Variants in THAP6 observed in about 807,000 individuals in gnomAD.
THAP6 encodes the protein THAP domain containing 6.
Under a neutral mutation model 20.0 loss-of-function variants are expected in THAP6, and 13 were observed. The observed-to-expected ratio is 0.65, with a 90% CI of 0.42 to 1.03. THAP6 has a LOEUF of 1.03. Ranked by LOEUF, THAP6 falls within the 50% of genes least tolerant of loss-of-function variation. The pLI is 0.00. For missense variants in THAP6, 262 were observed against 261.6 expected, an observed-to-expected ratio of 1.00 and a Z score of -0.01; for synonymous variants, 93 against 92.2, an observed-to-expected ratio of 1.01 and a Z score of -0.05.
At chr4:75,541,447 CGT>C (rs138759889) in intron 2 of THAP6, among the ~76,000 whole-genome samples, 2,016 of 150,312 alleles carry the variant, frequency 0.013, 43 homozygotes, top group African/African-American at 0.046. Context: ...TAAGTGTGTA[CGT>C]GTGTGTGTGT....
At chr4:75,536,682 A>AT (rs958986787) in intron 2 of THAP6, among the ~76,000 whole-genome samples, 119 of 151,982 alleles carry the variant, frequency 7.8e-4, no homozygotes, top group African/African-American at 2.6e-3. Context: ...TAATTTTTGT[A>AT]TTTTTTGTAG....
intron 3 of THAP6, chr4:75,544,215 CCCT>C (rs1417850622): frequency 6.6e-6 from 1 of 152,210 alleles, no homozygotes; most frequent in Non-Finnish European, 1.5e-5. Flanking sequence ...TCACTCTCTC[CCCT>C]CCTCTGATTA....
Position 75,529,970 on chromosome 4 carries a change from T to C in THAP6, c.*2756T>C, listed in dbSNP as rs1304907537. ...AAGATAAAATTATTACAGAAATAATTGAGAGAGAGAAAATCTATTATAATT... is the reference window on the plus strand; with the variant it reads ...AAGATAAAATTATTACAGAAATAATCGAGAGAGAGAAAATCTATTATAATT... On this transcript the variant is annotated 3_prime_UTR_variant, in exon 5 of 5. Transcript: ENST00000311638. 1.1e-6 allele frequency: 1 copy of C among 877,140 alleles called. No individual in the cohort carries two copies. Among genetic ancestry groups the C allele is most frequent in the Non-Finnish European group, 1.4e-6 (1 of 733,104 alleles). The allele number at this position is 877,140 out of a possible 1,614,324, so 54.3% of individuals were successfully genotyped here.
chr4:75,529,654 A>C lies in THAP6; in HGVS notation c.*2440A>C. ...GGAAAGAACTGGCCTGTGTAAAGCA[A>C]AACCCAAGTCATCCCCCTCCAGAAA... On this transcript the variant is annotated 3_prime_UTR_variant, in exon 5 of 5. Coordinates refer to ENST00000311638, the MANE Select transcript of THAP6 (RefSeq NM_144721.6). 1 of 985,414 alleles carries C rather than the reference A, an allele frequency of 1.0e-6. No homozygotes were observed. The allele number at this position is 985,414 out of a possible 1,614,324, so 61.0% of individuals were successfully genotyped here.
chr4:75,527,409 T>C lies in THAP6; in HGVS notation c.*195T>C, dbSNP rs17000606. ...TTGTGGTAATTATGTATTTGTGTCT[T>C]GTGACAATTATGTTTTATAGACCTA... On this transcript the variant is annotated 3_prime_UTR_variant, in exon 5 of 5. Transcript: ENST00000311638. 3.2e-4 allele frequency: 448 copies of C among 1,389,170 alleles called. No homozygotes were observed. In the African/African-American group the frequency reaches 6.1e-3, roughly 19 times the overall value. The allele number at this position is 1,389,170 out of a possible 1,614,324, so 86.1% of individuals were successfully genotyped here. A position where few individuals can be genotyped will look rare whatever the true frequency, so the allele number is the denominator to read the frequency against.
chr4:75,537,257 A>G (rs935411146), intron 2 of THAP6, among the ~76,000 whole-genome samples: 3 of 152,192 alleles, frequency 2.0e-5, no homozygotes, highest in African/African-American at 7.2e-5. Flanking sequence ...CCTAATCCCT[A>G]GAACATGTGA....
chr4:75,530,169 C>A, downstream of THAP6: 1 of 684,710 alleles, frequency 1.5e-6, no homozygotes, highest in Non-Finnish European at 1.8e-6. Flanking sequence ...ACCCACGTAG[C>A]AGGCCAGCTT....
In THAP6 at chr4:75,527,784, A is replaced by C; in HGVS notation, c.*570A>C. ...ATAGTGAAGATCTGTGGGCTTTTAA[A>C]ATTGTTCACAGCCAATTTAAGAAGA... On this transcript the variant is annotated 3_prime_UTR_variant, in exon 5 of 5. Coordinates refer to ENST00000311638, the MANE Select transcript of THAP6 (RefSeq NM_144721.6). 1 of 986,052 alleles carries C rather than the reference A, an allele frequency of 1.0e-6. No individual in the cohort carries two copies. Among genetic ancestry groups the C allele is most frequent in the Non-Finnish European group, 1.2e-6 (1 of 830,446 alleles). 61.1% of individuals were successfully genotyped at this position (986,052 alleles called of 1,614,324 possible).
downstream of THAP6, among the ~76,000 whole-genome samples, chr4:75,532,192 A>G (rs757697728): frequency 7.9e-5 from 12 of 152,216 alleles, no homozygotes; most frequent in Non-Finnish European, 1.8e-4. Context: ...TACAGGCATT[A>G]GGTAAATACA....
Position 75,514,481 on chromosome 4 carries a change from T to G in THAP6, c.-60T>G, listed in dbSNP as rs2148794045. ...GAGGCGGAAGCGAAGGCAGACGCAG[T>G]CTCCGTCGTTGACGTTAGTCGCAGT... On this transcript the variant is annotated 5_prime_UTR_variant, in exon 1 of 5. Transcript: ENST00000311638. 3.6e-6 allele frequency: 2 copies of G among 555,386 alleles called. No individual in the cohort carries two copies. The highest frequency in any genetic ancestry group is 5.1e-4 in the Middle Eastern group (1 of 1,974). The allele number at this position is 555,386 out of a possible 1,614,324, so 34.4% of individuals were successfully genotyped here. A position where few individuals can be genotyped will look rare whatever the true frequency, so the allele number is the denominator to read the frequency against.
chr4:75,542,587 A>C, intron 3 of THAP6: 2 of 605,474 alleles, frequency 3.3e-6, no homozygotes, highest in South Asian at 2.0e-5. Context: ...ATTTTACAGA[A>C]GAGGAAATTA....
intron 1 of THAP6, 63 bp downstream of exon 1, chr4:75,514,583 T>A: frequency 3.4e-6 from 1 of 295,504 alleles, no homozygotes; most frequent in Non-Finnish European, 6.3e-6. Context: ...CAGGGCGTAG[T>A]TCGGCGCGAG....
intron 3 of THAP6, 54 bp from the exon 4 acceptor site, chr4:75,521,682 T>G (rs1319757970): frequency 6.7e-7 from 1 of 1,498,256 alleles, no homozygotes; most frequent in Non-Finnish European, 9.0e-7. Context: ...AATAAAAATT[T>G]AAGAAAGAAC....
intron 2 of THAP6, among the ~76,000 whole-genome samples, chr4:75,539,129 A>G (rs1726941137): frequency 6.6e-6 from 1 of 152,254 alleles, no homozygotes; most frequent in South Asian, 2.1e-4. Flanking sequence ...CAAGGATACC[A>G]GGGAGCGCAG....
intron 4 of THAP6, among the ~76,000 whole-genome samples, chr4:75,523,817 AAAAAG>A (rs1358759855): frequency 5.3e-5 from 8 of 150,106 alleles, no homozygotes; most frequent in Non-Finnish European, 1.0e-4. Context: ...AAAAAAAAAA[AAAAAG>A]AAAAGAAATC....
At chr4:75,516,678 G>A (rs931554016) in intron 2 of THAP6, 94 bp from the exon 3 acceptor site, 31 of 1,000,298 alleles carry the variant, frequency 3.1e-5, no homozygotes, top group East Asian at 1.1e-4. Context: ...ACTAGTTAAC[G>A]AATCAATTTA....
rs751786891 is a variant in THAP6, at chr4:75,527,016, T to C, written c.471T>C (p.His157=). 1.2e-6 allele frequency: 2 copies of C among 1,614,124 alleles called. No individual in the cohort carries two copies. The highest frequency in any genetic ancestry group is 1.7e-5 in the Admixed American group (1 of 60,000). Residue 157 remains histidine, a synonymous_variant, in exon 5 of 5, where the codon CAT becomes CAC. Transcript: ENST00000311638. ...SPKKLKHKLD[H]VIGELEDTKE... ...AGAAACTTAAGCATAAATTAGATCA[T>C]GTGATCGGCGAGCTAGAGGATACAA... is the stretch of plus-strand genomic sequence containing the variant.
chr4:75,542,888 C>T (rs1274752589), intron 3 of THAP6: 2 of 164,892 alleles, frequency 1.2e-5, no homozygotes, highest in African/African-American at 4.8e-5. Context: ...AAAATGTGAA[C>T]TCATCTTGTG....
At chr4:75,515,256 C>T (rs1304308767) in intron 1 of THAP6, among the ~76,000 whole-genome samples, 177 bp from the exon 2 acceptor site, 1 of 152,142 alleles carries the variant, frequency 6.6e-6, no homozygotes, top group Non-Finnish European at 1.5e-5. Context: ...ATATGTTTCT[C>T]CTTATTAAAG....
Sources: gnomAD v4.1 joint callset for allele counts (sites outside exome capture counted in the v4.1 genomes callset) on GRCh38, gnomAD v4.1.1 for gene constraint, MANE v1.5 for transcripts, NCBI Gene and HGNC (gene_info 2026-07-23, HGNC 2026-07-21) for gene names.